Variants in CHRNB1 observed in about 807,000 individuals in gnomAD.
The protein encoded by CHRNB1 is cholinergic receptor nicotinic beta 1 subunit.
Under a neutral mutation model 53.8 loss-of-function variants are expected in CHRNB1, and 47 were observed. That is an observed-to-expected ratio of 0.87 (90% CI 0.69 to 1.11). The LOEUF is 1.11. Among genes scored for constraint, CHRNB1 ranks in the 50% most tolerant of loss-of-function variants. CHRNB1 has a pLI of 0.00. For missense variants in CHRNB1, 605 were observed against 654.9 expected (o/e 0.92, Z 0.83); for synonymous variants, 259 against 263.5 (o/e 0.98, Z 0.16).
At chr17:7,450,683 T>A (rs934375162) in intron 7 of CHRNB1, among the ~76,000 whole-genome samples, 1 of 152,214 alleles carries the variant, frequency 6.6e-6, no homozygotes, top group Non-Finnish European at 1.5e-5. Context: ...AACAATCCTG[T>A]GAGGTAAGTA....
Position 7,455,303 on chromosome 17 carries a change from C to T in CHRNB1, c.1064C>T (p.Pro355Leu), listed in dbSNP as rs141174329. ...WVRQIFIHKL[P>L]LYLRLKRPKP... Reference sequence around the variant, plus strand: ...CTGCAGATCTTCATTCACAAACTTCCGCTGTACCTGCGTCTAAAAAGGCCC... The same window carrying T: ...CTGCAGATCTTCATTCACAAACTTCTGCTGTACCTGCGTCTAAAAAGGCCC... The change falls in exon 9 of 11, where the codon CCG (proline) becomes CTG (leucine). Residue 355 changes from proline (P) to leucine (L), a missense_variant. Coordinates refer to ENST00000306071, the MANE Select transcript of CHRNB1 (RefSeq NM_000747.3). 1.2e-6 allele frequency: 2 copies of T among 1,613,944 alleles called. No individual in the cohort carries two copies. The highest frequency in any genetic ancestry group is 1.7e-6 in the Non-Finnish European group (2 of 1,180,028).
At position 7,445,595 on chromosome 17, in the gene CHRNB1, C is replaced by A; in HGVS notation, c.198+186C>A. 1 of 1,471,986 alleles carries A rather than the reference C, an allele frequency of 6.8e-7. No homozygotes were observed. The highest frequency in any genetic ancestry group is 9.0e-7 in the Non-Finnish European group (1 of 1,113,002). 91.2% of individuals were successfully genotyped at this position (1,471,986 alleles called of 1,614,324 possible). A position where few individuals can be genotyped will look rare whatever the true frequency, so the allele number is the denominator to read the frequency against. ...ACAAGCTCTGGCCGTGGGTGGTGGA[C>A]GGGCCTGGAGTAGAACTGGGTAGGG... On this transcript the variant is annotated intron_variant, in intron 2 of 10. Transcript: ENST00000306071. The surrounding 1 kb of genome is among the most constrained non-coding windows in gnomAD (Gnocchi z 5.7).
chr17:7,453,366 G>T (rs1423054463), intron 7 of CHRNB1, among the ~76,000 whole-genome samples: 3 of 152,090 alleles, frequency 2.0e-5, no homozygotes, highest in Non-Finnish European at 4.4e-5. Flanking sequence ...TGATTCGCCT[G>T]CCTCGGCCTC....
Position 7,449,680 on chromosome 17 carries a change from G to T in CHRNB1, c.820+892G>T, listed in dbSNP as rs370967193. Among the ~76,000 whole-genome samples the T allele has an allele frequency of 6.6e-5, 10 of 151,992 alleles. No individual in the cohort carries two copies. In the East Asian group the frequency reaches 1.9e-3, roughly 30 times the overall value. ...TCGCCTCAGCCTCCCAACGTACTGG[G>T]CTTATAGGCATGAGCCACCGCGCTC... On this transcript the variant is annotated intron_variant, in intron 7 of 10. Coordinates refer to ENST00000306071, the MANE Select transcript of CHRNB1 (RefSeq NM_000747.3).
At chr17:7,447,174 G>A in intron 5 of CHRNB1, 23 bp downstream of exon 5, 1 of 1,584,598 alleles carries the variant, frequency 6.3e-7, no homozygotes, top group South Asian at 1.1e-5. Context: ...CACATTGGAA[G>A]CTGAAGGAGC....
At chr17:7,452,531 T>C (rs1348962239) in intron 7 of CHRNB1, among the ~76,000 whole-genome samples, 1 of 152,108 alleles carries the variant, frequency 6.6e-6, no homozygotes, top group Non-Finnish European at 1.5e-5. Context: ...CCAGACCAAA[T>C]TGAGGACCAG....
intron 7 of CHRNB1, among the ~76,000 whole-genome samples, chr17:7,452,210 G>A (rs1908917918): frequency 1.3e-5 from 2 of 151,770 alleles, no homozygotes; most frequent in African/African-American, 4.8e-5. Flanking sequence ...CACACACCAC[G>A]ATGCCCAGCT....
intron 5 of CHRNB1, 170 bp downstream of exon 5, chr17:7,447,321 T>C (rs1908681137): frequency 4.4e-6 from 4 of 910,242 alleles, no homozygotes; most frequent in Non-Finnish European, 7.0e-6. Flanking sequence ...CTGTACACTT[T>C]CTTTGACTTC....
intron 6 of CHRNB1, among the ~76,000 whole-genome samples, 158 bp downstream of exon 6, chr17:7,447,808 T>C (rs554105193): frequency 6.6e-6 from 1 of 152,188 alleles, no homozygotes; most frequent in Non-Finnish European, 1.5e-5. Context: ...CCGGGGGCAG[T>C]GGTTCATGCC....
chr17:7,448,910 G>C, intron 7 of CHRNB1, 122 bp downstream of exon 7: 2 of 1,047,812 alleles, frequency 1.9e-6, no homozygotes, highest in African/African-American at 3.1e-5. Context: ...CAGCAATCCC[G>C]CCCAGGCTCT....
chr17:7,455,839 T>A lies in CHRNB1; in HGVS notation c.1263T>A (p.Asp421Glu). ...CCCCTGATCTGCGGCGATTTATCGA[T>A]GGTCCAAACCGGGCTGTGGCCCTGC... ...LSAPDLRRFI[D>E]GPNRAVALLP... The change falls in exon 10 of 11, where the codon GAT becomes GAA. Residue 421 changes from aspartate (D) to glutamate (E), a missense_variant. Asp to Glu is a conservative substitution (Grantham distance 45, BLOSUM62 2). Transcript: ENST00000306071. 6.2e-7 allele frequency: 1 copy of A among 1,614,124 alleles called. No individual in the cohort carries two copies. The highest frequency in any genetic ancestry group is 8.5e-7 in the Non-Finnish European group (1 of 1,180,028).
At chr17:7,446,019 A>T in intron 2 of CHRNB1, 50 bp from the exon 3 acceptor site, 5 of 1,576,942 alleles carry the variant, frequency 3.2e-6, no homozygotes, top group Non-Finnish European at 4.4e-6. Context: ...GAGCCCCCTC[A>T]TTTCTCTCCA....
intron 7 of CHRNB1, among the ~76,000 whole-genome samples, chr17:7,449,885 A>T (rs1381204408): frequency 6.6e-6 from 1 of 151,684 alleles, no homozygotes; most frequent in Non-Finnish European, 1.5e-5. Flanking sequence ...TCTACTAAAA[A>T]CACAAAAAAT....
Position 7,447,553 on chromosome 17 carries a change from C to G in CHRNB1, c.513C>G (p.Ser171=), listed in dbSNP as rs367782220. ...AGAATTGCACTATGGTGTTCAGCTC[C>G]TACAGCTACGACAGCTCGGAGGTCA... ...DWQNCTMVFS[S]YSYDSSEVSL... Residue 171 remains serine, a synonymous_variant, in exon 6 of 11, where the codon TCC becomes TCG. Coordinates refer to ENST00000306071, the MANE Select transcript of CHRNB1 (RefSeq NM_000747.3). The G allele has an allele frequency of 6.2e-7, 1 of 1,614,078 alleles. No homozygotes were observed. Among genetic ancestry groups the G allele is most frequent in the Non-Finnish European group, 8.5e-7 (1 of 1,180,044 alleles).
In CHRNB1 at chr17:7,454,376, G is replaced by C; in HGVS notation, c.900G>C (p.Glu300Asp). The C allele has an allele frequency of 6.2e-7, 1 of 1,614,122 alleles. No homozygotes were observed. The highest frequency in any genetic ancestry group is 1.7e-5 in the Admixed American group (1 of 60,024). Reference protein sequence around the residue: ...FLLLLADKVPETSLSVPIIIK... With the variant: ...FLLLLADKVPDTSLSVPIIIK... ...TGCTGCTGGCTGACAAAGTACCTGA[G>C]ACCTCACTATCAGTACCCATTATTA... The change falls in exon 8 of 11, where the codon GAG (glutamate) becomes GAC (aspartate). Residue 300 changes from glutamate (E) to aspartate (D), a missense_variant. Coordinates refer to ENST00000306071, the MANE Select transcript of CHRNB1 (RefSeq NM_000747.3).
chr17:7,447,181 G>A (rs781770923), intron 5 of CHRNB1, 30 bp downstream of exon 5: 3 of 1,575,270 alleles, frequency 1.9e-6, no homozygotes, highest in Non-Finnish European at 8.7e-7. Flanking sequence ...GAAGCTGAAG[G>A]AGCTCTTACA....
chr17:7,446,856 C>G lies in CHRNB1; in HGVS notation c.267C>G (p.Ser89Arg), dbSNP rs758939802. ...LDLEWTDYRL[S>R]WDPAEHDGID... ...AGGAGTGGACTGACTACAGGCTGAG[C>G]TGGGACCCTGCGGAGCACGACGGCA... The change falls in exon 4 of 11, where the codon AGC (serine) becomes AGG (arginine). Residue 89 changes from serine (S) to arginine (R), a missense_variant. Transcript: ENST00000306071. The G allele has an allele frequency of 6.2e-7, 1 of 1,614,000 alleles. No homozygotes were observed. The highest frequency in any genetic ancestry group is 2.2e-5 in the East Asian group (1 of 44,886).
chr17:7,456,605 T>C lies in CHRNB1; in HGVS notation c.1388T>C (p.Val463Ala). The change falls in exon 11 of 11, where the codon GTG (valine) becomes GCG (alanine). Residue 463 changes from valine (V) to alanine (A), a missense_variant. Transcript: ENST00000306071. ...CAGCTGAAGGAGGACTGGCAGTTTG[T>C]GGCCATGGTAGTGGACCGCCTCTTC... ...HDALKEDWQF[V>A]AMVVDRLFLW... 1 of 1,614,168 alleles carries C rather than the reference T, an allele frequency of 6.2e-7. No homozygotes were observed. The highest frequency in any genetic ancestry group is 8.5e-7 in the Non-Finnish European group (1 of 1,180,042).
At chr17:7,455,632 A>G (rs1597755166) in intron 9 of CHRNB1, 162 bp from the exon 10 acceptor site, 4 of 1,224,058 alleles carry the variant, frequency 3.3e-6, no homozygotes, top group Non-Finnish European at 4.8e-6. Flanking sequence ...GAGGCGGTGG[A>G]AGAAGTTGCA....
Sources: allele counts gnomAD v4.1 joint callset (sites outside exome capture counted in the v4.1 genomes callset), GRCh38; gene constraint gnomAD v4.1.1; non-coding constraint Gnocchi (gnomAD v3.1); transcripts MANE v1.5; gene names NCBI Gene and HGNC (gene_info 2026-07-23, HGNC 2026-07-21).